Variants in NAALADL2 observed in about 807,000 individuals in gnomAD.
NAALADL2 encodes the protein N-acetylated alpha-linked acidic dipeptidase like 2.
NAALADL2 carries 76 observed loss-of-function variants against 87.2 expected under a neutral mutation model. That is an observed-to-expected ratio of 0.87 (90% CI 0.72 to 1.05). The LOEUF (loss-of-function observed/expected upper bound fraction) is 1.05. Ranked by LOEUF, NAALADL2 falls within the 50% of genes least tolerant of loss-of-function variation. The pLI is 0.00. For synonymous variants in NAALADL2, 354 were observed against 331.0 expected, an observed-to-expected ratio of 1.07 and a Z score of -0.75; for missense variants, 1,089 against 945.8, an observed-to-expected ratio of 1.15 and a Z score of -1.99.
At chr3:175,037,443 T>C (rs1753555145) in intron 1 of NAALADL2, among the ~76,000 whole-genome samples, 1 of 152,140 alleles carries the variant, frequency 6.6e-6, no homozygotes, top group African/African-American at 2.4e-5. Flanking sequence ...TAAATGGCTT[T>C]GTAGCATCTC....
intron 7 of NAALADL2, among the ~76,000 whole-genome samples, chr3:175,464,423 C>CA (rs11299560): frequency 0.035 from 3,393 of 96,956 alleles, 54 homozygotes; most frequent in Middle Eastern, 0.072. Context: ...GACTCCATCT[C>CA]AAAAAAAAAA....
intron 13 of NAALADL2, among the ~76,000 whole-genome samples, chr3:175,794,381 GT>G (rs1753197964): frequency 8.7e-6 from 1 of 115,482 alleles, no homozygotes; most frequent in African/African-American, 6.2e-5. Flanking sequence ...TTAAATGAGT[GT>G]GGAAAAAAAA....
At chr3:175,579,366 G>T (rs1019758092) in intron 10 of NAALADL2, among the ~76,000 whole-genome samples, 6 of 152,066 alleles carry the variant, frequency 3.9e-5, no homozygotes, top group Non-Finnish European at 8.8e-5. Flanking sequence ...AAAAAAACAT[G>T]ACATTTTGTA....
chr3:174,514,376 A>G (rs922544135), intron 1 of NAALADL2, among the ~76,000 whole-genome samples: 2 of 152,222 alleles, frequency 1.3e-5, no homozygotes, highest in Admixed American at 1.3e-4. Flanking sequence ...AAAAATGATT[A>G]TATAAAAAGC....
rs1310788616 is a variant in NAALADL2, at chr3:175,160,501, C to A, written c.545+63210C>A. Among the ~76,000 whole-genome samples, 7 of 150,416 alleles carry A rather than the reference C, an allele frequency of 4.7e-5. 1 individual carries two copies. In the South Asian group the frequency reaches 1.5e-3, roughly 32 times the overall value. ...CTAAGTAACTGGGATTACAGGCATG[C>A]ACCTCCACATCCAGCTAATTTTGTA... On this transcript the variant is annotated intron_variant, in intron 2 of 13. Transcript: ENST00000454872.
At chr3:175,710,780 T>A (rs891888870) in intron 11 of NAALADL2, among the ~76,000 whole-genome samples, 3 of 151,864 alleles carry the variant, frequency 2.0e-5, no homozygotes, top group African/African-American at 7.2e-5. Flanking sequence ...TATATTCATA[T>A]GCATTCTTTT....
chr3:175,792,021 T>A (rs1752847699), intron 13 of NAALADL2, among the ~76,000 whole-genome samples: 2 of 151,014 alleles, frequency 1.3e-5, no homozygotes, highest in Admixed American at 1.3e-4. Flanking sequence ...TACTTGCATT[T>A]AAAAAAAAAT....
At chr3:175,735,994 C>T (rs887088686) in intron 11 of NAALADL2, among the ~76,000 whole-genome samples, 9 of 152,140 alleles carry the variant, frequency 5.9e-5, no homozygotes, top group Non-Finnish European at 1.3e-4. Flanking sequence ...ATAACACAGT[C>T]GCATTTCCCT....
chr3:175,711,935 C>T (rs1446630454), intron 11 of NAALADL2, among the ~76,000 whole-genome samples: 1 of 151,536 alleles, frequency 6.6e-6, no homozygotes. Context: ...CAACTTTATC[C>T]AAGTGTCTTT....
At chr3:174,620,991 G>A (rs1385900864) in intron 2 of NAALADL2, among the ~76,000 whole-genome samples, 1 of 151,952 alleles carries the variant, frequency 6.6e-6, no homozygotes, top group Non-Finnish European at 1.5e-5. Context: ...CTAACCTTAG[G>A]TAAACTGAAT....
At chr3:174,885,923 T>G (rs1362284435) in intron 1 of NAALADL2, among the ~76,000 whole-genome samples, 1 of 100,706 alleles carries the variant, frequency 9.9e-6, no homozygotes, top group African/African-American at 4.1e-5. Context: ...TTTTTTTTTT[T>G]TTTTTTTTTA....
chr3:175,525,939 C>G (rs1025840092), intron 9 of NAALADL2, among the ~76,000 whole-genome samples: 1 of 152,138 alleles, frequency 6.6e-6, no homozygotes, highest in South Asian at 2.1e-4. Flanking sequence ...TAAAAGCCAA[C>G]GCTGAGCCAA....
chr3:174,920,412 ATAGCGATGGTTTCTTT>A (rs1579528175), intron 1 of NAALADL2, among the ~76,000 whole-genome samples: 2 of 152,182 alleles, frequency 1.3e-5, no homozygotes, highest in East Asian at 1.9e-4. Flanking sequence ...CTTCTATGTT[ATAGCGATGGTTTCTTT>A]TGTTAAATCT....
intron 1 of NAALADL2, among the ~76,000 whole-genome samples, chr3:174,989,180 A>G (rs1746376703): frequency 6.6e-6 from 1 of 152,202 alleles, no homozygotes; most frequent in Non-Finnish European, 1.5e-5. Context: ...ACCTGTCCCC[A>G]TGACTCAAAT....
chr3:175,010,400 CT>C (rs1749620828), intron 1 of NAALADL2, among the ~76,000 whole-genome samples: 1 of 152,150 alleles, frequency 6.6e-6, no homozygotes. Context: ...CCTTAAAGCA[CT>C]TGACCTTCAT....
chr3:175,065,714 GA>G (rs1714413151), intron 1 of NAALADL2, among the ~76,000 whole-genome samples: 2 of 152,048 alleles, frequency 1.3e-5, no homozygotes, highest in African/African-American at 4.8e-5. Flanking sequence ...AAAGGTCATG[GA>G]GAAAAAAAAG....
At chr3:174,646,193 G>A (rs569393072) in intron 2 of NAALADL2, among the ~76,000 whole-genome samples, 35 of 152,026 alleles carry the variant, frequency 2.3e-4, no homozygotes, top group Non-Finnish European at 4.4e-4. Context: ...TGAAATAACT[G>A]GGCAGTTGAA....
intron 1 of NAALADL2, among the ~76,000 whole-genome samples, chr3:174,541,036 A>G (rs1404486956): frequency 6.6e-6 from 1 of 152,204 alleles, no homozygotes; most frequent in Non-Finnish European, 1.5e-5. Context: ...TACTGGAAGT[A>G]AGGTTTTGCA....
intron 2 of NAALADL2, among the ~76,000 whole-genome samples, chr3:175,218,694 T>A (rs2109330977): frequency 6.6e-6 from 1 of 152,288 alleles, no homozygotes; most frequent in Non-Finnish European, 1.5e-5. Flanking sequence ...TCTGAATTCT[T>A]TCATTGGCTA....
Sources: gnomAD v4.1 joint callset for allele counts (sites outside exome capture counted in the v4.1 genomes callset) on GRCh38, gnomAD v4.1.1 for gene constraint, MANE v1.5 for transcripts, NCBI Gene and HGNC (gene_info 2026-07-23, HGNC 2026-07-21) for gene names.